Variants in NPAS3 observed in about 807,000 individuals in gnomAD.
NPAS3 encodes neuronal PAS domain-containing protein 3.
NPAS3 carries 14 observed loss-of-function variants against 73.1 expected under a neutral mutation model. That is an observed-to-expected ratio of 0.19 (90% CI 0.13 to 0.30). The LOEUF (loss-of-function observed/expected upper bound fraction) is 0.30. Among genes scored for constraint, NPAS3 ranks in the 10% least tolerant of loss-of-function variants. The probability of loss-of-function intolerance (pLI) is 1.00; values close to 1 mark genes in which losing one functional copy is unlikely to be tolerated. For synonymous variants in NPAS3, 620 were observed against 541.5 expected, an observed-to-expected ratio of 1.14 and a Z score of -2.01; for missense variants, 1,096 against 1,250.0, an observed-to-expected ratio of 0.88 and a Z score of 1.86.
At chr14:33,240,349 G>T (rs1223637881) in intron 3 of NPAS3, among the ~76,000 whole-genome samples, 1 of 151,414 alleles carries the variant, frequency 6.6e-6, no homozygotes, top group Non-Finnish European at 1.5e-5. Context: ...GCTCCATTTT[G>T]GGTCCCTACT....
intron 5 of NPAS3, among the ~76,000 whole-genome samples, chr14:33,651,523 T>C (rs915062110): frequency 6.6e-6 from 1 of 152,068 alleles, no homozygotes; most frequent in Admixed American, 6.6e-5. Flanking sequence ...TGATATAAGA[T>C]AATTAGAATA....
At chr14:33,750,035 T>G (rs571683129) in intron 7 of NPAS3, among the ~76,000 whole-genome samples, 1 of 152,248 alleles carries the variant, frequency 6.6e-6, no homozygotes, top group East Asian at 1.9e-4. Flanking sequence ...AAAAATTTTT[T>G]AAGGATGGTA....
At chr14:33,714,859 T>C (rs2060916649) in intron 6 of NPAS3, among the ~76,000 whole-genome samples, 1 of 152,174 alleles carries the variant, frequency 6.6e-6, no homozygotes, top group Admixed American at 6.6e-5. Flanking sequence ...GGGTCTTAGA[T>C]TCAATGACAT....
At chr14:33,602,219 G>A (rs763796766) in intron 5 of NPAS3, among the ~76,000 whole-genome samples, 18 of 152,210 alleles carry the variant, frequency 1.2e-4, no homozygotes, top group Non-Finnish European at 2.4e-4. Flanking sequence ...TGTGAAAAAA[G>A]CAGGCAAGGC....
intron 4 of NPAS3, among the ~76,000 whole-genome samples, chr14:33,553,517 C>T (rs12586262): frequency 0.34 from 52,390 of 151,960 alleles, 10,021 homozygotes; most frequent in East Asian, 0.53. Flanking sequence ...TATTTTTTAG[C>T]AGAAAAATAG....
intron 7 of NPAS3, among the ~76,000 whole-genome samples, chr14:33,742,310 G>A (rs199563801): frequency 2.0e-5 from 3 of 152,078 alleles, no homozygotes; most frequent in Non-Finnish European, 2.9e-5. Context: ...TACAGAAATC[G>A]AAGGTTTCCA....
At chr14:33,075,693 T>G (rs2041634459) in intron 2 of NPAS3, among the ~76,000 whole-genome samples, 1 of 152,204 alleles carries the variant, frequency 6.6e-6, no homozygotes, top group African/African-American at 2.4e-5. Context: ...AGGGAGAACT[T>G]AAAATTGTAA....
At chr14:33,628,068 T>C (rs1397186700) in intron 5 of NPAS3, among the ~76,000 whole-genome samples, 2 of 152,238 alleles carry the variant, frequency 1.3e-5, no homozygotes, top group Non-Finnish European at 2.9e-5. Context: ...AAAGCCTGCA[T>C]CACAGAATTC....
At chr14:33,596,318 G>A (rs1354219347) in intron 5 of NPAS3, among the ~76,000 whole-genome samples, 2 of 152,148 alleles carry the variant, frequency 1.3e-5, no homozygotes, top group East Asian at 1.9e-4. Context: ...AAGAATATGT[G>A]CGTTCAAAAT....
intron 5 of NPAS3, among the ~76,000 whole-genome samples, chr14:33,657,556 G>T (rs1411298710): frequency 6.7e-6 from 1 of 149,266 alleles, no homozygotes; most frequent in Non-Finnish European, 1.5e-5. Context: ...AAAAAGGACA[G>T]ATGAAAATTG....
At chr14:33,749,840 T>C (rs928337156) in intron 7 of NPAS3, among the ~76,000 whole-genome samples, 3 of 151,964 alleles carry the variant, frequency 2.0e-5, no homozygotes, top group African/African-American at 4.8e-5. Flanking sequence ...TCCCACAGAG[T>C]GCTGACAGAT....
chr14:33,048,646 G>C (rs183287300), intron 1 of NPAS3, among the ~76,000 whole-genome samples: 80 of 152,270 alleles, frequency 5.3e-4, no homozygotes, highest in African/African-American at 1.7e-3. Context: ...GTTTCTTTGT[G>C]TAGTTCCAGG....
intron 5 of NPAS3, among the ~76,000 whole-genome samples, chr14:33,671,306 C>G (rs1004938473): frequency 1.3e-5 from 2 of 152,166 alleles, no homozygotes; most frequent in East Asian, 3.9e-4. Context: ...TTAGCCCCCC[C>G]ATCCTATCTA....
intron 3 of NPAS3, among the ~76,000 whole-genome samples, chr14:33,321,845 T>C (rs754513346): frequency 6.6e-6 from 1 of 152,158 alleles, no homozygotes; most frequent in Non-Finnish European, 1.5e-5. Flanking sequence ...AACTGGAAAG[T>C]TCTTAAGACA....
rs199816493 is a variant in NPAS3 at position 33,460,729 on chromosome 14, G to GT, written c.468+93468dup. Among the ~76,000 whole-genome samples the GT allele has an allele frequency of 1.1e-3, 169 of 151,324 alleles. 1 individual carries two copies. The highest frequency in any genetic ancestry group is 3.4e-3 in the African/African-American group (140 of 41,312). On this transcript the variant is annotated intron_variant, in intron 4 of 11. Coordinates refer to ENST00000356141, the Ensembl canonical transcript of NPAS3. ...CTGTTGTTGTGGTTGTCGTCGTTTT[G>GT]TTTTTTTACCTACTGGATTTGCTAT...
At chr14:33,660,856 C>A (rs971048001) in intron 5 of NPAS3, among the ~76,000 whole-genome samples, 1 of 152,190 alleles carries the variant, frequency 6.6e-6, no homozygotes, top group Non-Finnish European at 1.5e-5. Context: ...TCAATACCAG[C>A]AAGCCCAGGA....
At chr14:33,533,628 C>A (rs939764924) in intron 4 of NPAS3, among the ~76,000 whole-genome samples, 1 of 152,108 alleles carries the variant, frequency 6.6e-6, no homozygotes, top group African/African-American at 2.4e-5. Flanking sequence ...CTAAATAAAT[C>A]TTAAAGTGAA....
At chr14:33,036,850 G>C (rs1181601641) in intron 1 of NPAS3, among the ~76,000 whole-genome samples, 3 of 152,152 alleles carry the variant, frequency 2.0e-5, no homozygotes, top group Non-Finnish European at 4.4e-5. Flanking sequence ...GACTTGTTCT[G>C]TTTCAGACCC....
intron 2 of NPAS3, among the ~76,000 whole-genome samples, chr14:33,115,409 G>A (rs1406583145): frequency 6.6e-6 from 1 of 152,142 alleles, no homozygotes; most frequent in Non-Finnish European, 1.5e-5. Flanking sequence ...TTTGCTTAGT[G>A]TATGTGACTG....
Sources: allele counts gnomAD v4.1 joint callset (sites outside exome capture counted in the v4.1 genomes callset), GRCh38; gene constraint gnomAD v4.1.1; transcripts MANE v1.5; gene names NCBI Gene and HGNC (gene_info 2026-07-23, HGNC 2026-07-21).